Variants in SUMF1 observed in about 807,000 individuals in gnomAD.
SUMF1 encodes formylglycine-generating enzyme.
In SUMF1, 48 loss-of-function variants were observed where a neutral mutation model predicts 47.6. The ratio of observed to expected loss-of-function variants is 1.01; its 90% CI spans 0.80 to 1.28. The LOEUF (loss-of-function observed/expected upper bound fraction) is 1.28, where lower values mean the gene tolerates loss of function less well. Ranked by LOEUF, SUMF1 falls within the 50% of genes most tolerant of loss-of-function variation. SUMF1 has a pLI of 0.00. For synonymous variants in SUMF1, 230 were observed against 192.1 expected (o/e 1.20, Z -1.63); for missense variants, 571 against 485.4 (o/e 1.18, Z -1.66).
At position 4,344,981 on chromosome 3, in the gene SUMF1, A is replaced by C. The variant is rs531066189; in HGVS notation, c.1014+31349T>G. The stretch of plus-strand genomic sequence containing the variant: ...AAATAAGACACACAGACAAGAATAG[A>C]GAAAAAAAGAGTGAAAAGGAATGAA... On this transcript the variant is annotated intron_variant and NMD_transcript_variant, in intron 8 of 12. Coordinates refer to the SUMF1 transcript ENST00000448413. Among the ~76,000 whole-genome samples the C allele has an allele frequency of 8.5e-5, 13 of 152,250 alleles. No individual in the cohort carries two copies. In the South Asian group the frequency reaches 1.2e-3, roughly 15 times the overall value.
intron 8 of SUMF1, among the ~76,000 whole-genome samples, chr3:4,288,291 G>C (rs1324674223): frequency 6.6e-6 from 1 of 152,106 alleles, no homozygotes; most frequent in Non-Finnish European, 1.5e-5. Flanking sequence ...TCTCCCTGTT[G>C]GCACAGCACA....
intron 9 of SUMF1, among the ~76,000 whole-genome samples, chr3:4,067,749 CA>C (rs992462830): frequency 6.6e-6 from 1 of 152,160 alleles, no homozygotes; most frequent in African/African-American, 2.4e-5. Flanking sequence ...TGATGTCCTG[CA>C]GGTGCCCAGC....
At chr3:4,150,331 G>T (rs1201137102) in intron 8 of SUMF1, among the ~76,000 whole-genome samples, 1 of 151,550 alleles carries the variant, frequency 6.6e-6, no homozygotes, top group Non-Finnish European at 1.5e-5. Context: ...GGAGGCCGAG[G>T]CAGGTGGATT....
intron 9 of SUMF1, among the ~76,000 whole-genome samples, chr3:4,065,916 G>A (rs560495954): frequency 6.4e-4 from 97 of 152,222 alleles, no homozygotes; most frequent in Non-Finnish European, 1.2e-3. Context: ...TGATATGACA[G>A]GGGAAAAAAT....
At chr3:4,069,848 A>G (rs1419566390) in intron 8 of SUMF1, among the ~76,000 whole-genome samples, 2 of 152,198 alleles carry the variant, frequency 1.3e-5, no homozygotes, top group African/African-American at 4.8e-5. Flanking sequence ...AATTACCCTG[A>G]AAAGTCTCTT....
intron 8 of SUMF1, among the ~76,000 whole-genome samples, chr3:4,228,452 G>C (rs1294459979): frequency 6.6e-6 from 1 of 151,978 alleles, no homozygotes; most frequent in Non-Finnish European, 1.5e-5. Flanking sequence ...GGGTAGCACT[G>C]CTGTTCCAAT....
intron 8 of SUMF1, among the ~76,000 whole-genome samples, chr3:4,156,941 C>T (rs1446551989): frequency 1.3e-5 from 2 of 151,518 alleles, no homozygotes; most frequent in Admixed American, 1.3e-4. Flanking sequence ...CAAATGTATG[C>T]CATCATTAAA....
chr3:4,152,351 A>T (rs1477658181), intron 8 of SUMF1, among the ~76,000 whole-genome samples: 1 of 151,534 alleles, frequency 6.6e-6, no homozygotes, highest in South Asian at 2.1e-4. Context: ...GCAGTGGTGC[A>T]ATCTCAGCTC....
intron 8 of SUMF1, among the ~76,000 whole-genome samples, chr3:4,237,511 T>A (rs2166022): frequency 0.023 from 3,475 of 152,254 alleles, 132 homozygotes; most frequent in African/African-American, 0.08. Context: ...TAAAAGTTTT[T>A]AAATATTTTA....
intron 9 of SUMF1, among the ~76,000 whole-genome samples, chr3:4,049,099 C>T (rs1695059086): frequency 6.6e-6 from 1 of 152,134 alleles, no homozygotes. Context: ...ATAAGTTAAG[C>T]TATGCTGCTA....
At chr3:4,212,018 C>T (rs573092502) in intron 8 of SUMF1, among the ~76,000 whole-genome samples, 3 of 152,314 alleles carry the variant, frequency 2.0e-5, no homozygotes, top group African/African-American at 7.2e-5. Context: ...CAGATGTAAA[C>T]GTCCCTGCCT....
chr3:4,142,062 A>G (rs963385044), intron 8 of SUMF1, among the ~76,000 whole-genome samples: 1 of 152,204 alleles, frequency 6.6e-6, no homozygotes, highest in South Asian at 2.1e-4. Flanking sequence ...TTAAAAGACA[A>G]AAGTATCTCC....
chr3:4,238,741 G>A (rs576656402), intron 8 of SUMF1, among the ~76,000 whole-genome samples: 1 of 152,238 alleles, frequency 6.6e-6, no homozygotes, highest in Admixed American at 6.5e-5. Context: ...TCACTCTGAT[G>A]GTAGTTTCTT....
At chr3:4,331,747 G>A (rs1421985104) in intron 8 of SUMF1, among the ~76,000 whole-genome samples, 5 of 152,196 alleles carry the variant, frequency 3.3e-5, no homozygotes, top group Middle Eastern at 3.4e-3. Flanking sequence ...GGAGAATTGC[G>A]TGAACTCAAG....
At chr3:4,143,041 C>A (rs978363019) in intron 8 of SUMF1, among the ~76,000 whole-genome samples, 2 of 152,058 alleles carry the variant, frequency 1.3e-5, no homozygotes, top group African/African-American at 2.4e-5. Context: ...AGGTAAGTGT[C>A]CCGCTGCAAA....
intron 8 of SUMF1, among the ~76,000 whole-genome samples, chr3:4,141,460 G>C (rs570990320): frequency 6.6e-6 from 1 of 152,222 alleles, no homozygotes; most frequent in South Asian, 2.1e-4. Context: ...GGCCTCCCAG[G>C]AAAGGAAGAG....
intron 3 of SUMF1, among the ~76,000 whole-genome samples, chr3:4,438,762 T>G (rs1702483035): frequency 6.6e-6 from 1 of 152,094 alleles, no homozygotes; most frequent in Non-Finnish European, 1.5e-5. Context: ...AGGGAAAAAT[T>G]AGTAAGGATA....
chr3:4,185,534 G>C (rs1695183708), intron 8 of SUMF1, among the ~76,000 whole-genome samples: 1 of 152,144 alleles, frequency 6.6e-6, no homozygotes, highest in Non-Finnish European at 1.5e-5. Flanking sequence ...GGATCTAGCA[G>C]ACAGAAATGT....
At chr3:4,294,591 T>TCAACAA (rs542133758) in intron 8 of SUMF1, among the ~76,000 whole-genome samples, 1 of 152,070 alleles carries the variant, frequency 6.6e-6, no homozygotes, top group African/African-American at 2.4e-5. Context: ...AGAACCTGTC[T>TCAACAA]CAACAACAAC....
Sources: gnomAD v4.1 joint callset for allele counts (sites outside exome capture counted in the v4.1 genomes callset) on GRCh38, gnomAD v4.1.1 for gene constraint, MANE v1.5 for transcripts, NCBI Gene and HGNC (gene_info 2026-07-23, HGNC 2026-07-21) for gene names.